PDE7A: variants seen among roughly 807,000 people sequenced by gnomAD.
PDE7A encodes the protein high affinity 3',5'-cyclic-AMP phosphodiesterase 7A.
Under a neutral mutation model 64.3 loss-of-function variants are expected in PDE7A, and 39 were observed. The ratio of observed to expected loss-of-function variants is 0.61; its 90% CI spans 0.47 to 0.79. The LOEUF (loss-of-function observed/expected upper bound fraction) is 0.79, where lower values mean the gene tolerates loss of function less well. Ranked by LOEUF, PDE7A falls within the 30% of genes least tolerant of loss-of-function variation. The pLI, the probability that PDE7A is intolerant of heterozygous loss-of-function variation, is 0.00. For missense variants in PDE7A, 470 were observed against 582.8 expected (o/e 0.81, Z 1.99); for synonymous variants, 203 against 206.8 (o/e 0.98, Z 0.16).
intron 4 of PDE7A, among the ~76,000 whole-genome samples, chr8:65,747,344 T>C (rs1807719463): frequency 6.6e-6 from 1 of 152,228 alleles, no homozygotes; most frequent in Non-Finnish European, 1.5e-5. Context: ...AGGTAATCTC[T>C]AAGTCTTCCC....
At chr8:65,767,590 G>A (rs1304162930) in intron 3 of PDE7A, among the ~76,000 whole-genome samples, 1 of 152,116 alleles carries the variant, frequency 6.6e-6, no homozygotes, top group Non-Finnish European at 1.5e-5. Context: ...ACTCTCCCCA[G>A]AGAGGGTCTT....
chr8:65,759,006 G>A (rs887983036), intron 3 of PDE7A, among the ~76,000 whole-genome samples: 5 of 152,098 alleles, frequency 3.3e-5, no homozygotes, highest in Admixed American at 2.6e-4. Flanking sequence ...CTGAGAGGGG[G>A]CAAAAGGAAC....
intron 3 of PDE7A, among the ~76,000 whole-genome samples, chr8:65,767,882 CAA>C (rs558012492): frequency 2.0e-5 from 3 of 152,114 alleles, no homozygotes; most frequent in Non-Finnish European, 4.4e-5. Context: ...TAATCCAACC[CAA>C]AAAGAGGGTC....
intron 5 of PDE7A, among the ~76,000 whole-genome samples, chr8:65,743,466 A>G (rs1807531250): frequency 6.6e-6 from 1 of 152,228 alleles, no homozygotes; most frequent in Non-Finnish European, 1.5e-5. Flanking sequence ...GGGAGGCAGG[A>G]GGGTGGCTCT....
At chr8:65,802,725 G>C (rs75514193) in intron 1 of PDE7A, among the ~76,000 whole-genome samples, 8,694 of 152,230 alleles carry the variant, frequency 0.057, 358 homozygotes, top group Middle Eastern at 0.11. Flanking sequence ...TTGCAAACCT[G>C]AAAAATCATC....
chr8:65,821,194 T>C (rs1810533679), intron 1 of PDE7A, among the ~76,000 whole-genome samples: 1 of 151,324 alleles, frequency 6.6e-6, no homozygotes, highest in Non-Finnish European at 1.5e-5. Flanking sequence ...AAAAAAACCC[T>C]TTTTTCATAT....
At chr8:65,766,983 A>C (rs1444507325) in intron 3 of PDE7A, among the ~76,000 whole-genome samples, 2 of 145,102 alleles carry the variant, frequency 1.4e-5, no homozygotes, top group Admixed American at 6.9e-5. Context: ...ATTTGTCAGA[A>C]ATAAGTCTGC....
chr8:65,761,121 G>A (rs144252392), intron 3 of PDE7A, among the ~76,000 whole-genome samples: 8,023 of 151,198 alleles, frequency 0.053, 306 homozygotes, highest in Middle Eastern at 0.096. Flanking sequence ...GTGCAGTGGC[G>A]CAATCTCAGC....
intron 1 of PDE7A, among the ~76,000 whole-genome samples, chr8:65,805,704 T>C (rs117088435): frequency 0.063 from 9,567 of 152,252 alleles, 375 homozygotes; most frequent in Middle Eastern, 0.11. Context: ...AATGGTACTG[T>C]GGATTCACCC....
chr8:65,826,429 C>T (rs1005753306), intron 1 of PDE7A, among the ~76,000 whole-genome samples: 9 of 152,180 alleles, frequency 5.9e-5, no homozygotes, highest in African/African-American at 2.2e-4. Flanking sequence ...TGAAACCAAA[C>T]ACAAAGATCT....
chr8:65,744,573 T>C (rs1416504134), intron 5 of PDE7A, among the ~76,000 whole-genome samples: 3 of 152,168 alleles, frequency 2.0e-5, no homozygotes, highest in African/African-American at 7.2e-5. Flanking sequence ...CCATACTCTG[T>C]AGATTCTGAT....
At chr8:65,833,875 C>T (rs751933006) in intron 1 of PDE7A, among the ~76,000 whole-genome samples, 6 of 151,918 alleles carry the variant, frequency 3.9e-5, no homozygotes, top group Non-Finnish European at 5.9e-5. Context: ...CATTTAAGGC[C>T]GGGATGCAGA....
intron 3 of PDE7A, among the ~76,000 whole-genome samples, chr8:65,757,323 AG>A (rs1276582503): frequency 6.6e-6 from 1 of 152,268 alleles, no homozygotes; most frequent in Admixed American, 6.5e-5. Flanking sequence ...GTTACAAGCC[AG>A]GAATTGTGGG....
In PDE7A at chr8:65,831,901, T is replaced by C. The variant is rs1242249998; in HGVS notation, c.138+9470A>G. ...ATTCATGTTAATACAAGAATATCAA[T>C]AAAGTTACATACAATTATAAAGAAG... On this transcript the variant is annotated intron_variant, in intron 1 of 12. Transcript: ENST00000401827. Among the ~76,000 whole-genome samples, 3 of 152,184 alleles carry C rather than the reference T, an allele frequency of 2.0e-5. No homozygotes were observed. In the East Asian group the frequency reaches 5.8e-4, roughly 29 times the overall value.
At chr8:65,774,841 A>G (rs1037620863) in intron 3 of PDE7A, among the ~76,000 whole-genome samples, 1 of 152,184 alleles carries the variant, frequency 6.6e-6, no homozygotes, top group African/African-American at 2.4e-5. Context: ...ATATCTGCTA[A>G]TACACTGAAT....
intron 1 of PDE7A, among the ~76,000 whole-genome samples, chr8:65,837,924 A>T (rs962041723): frequency 4.6e-5 from 7 of 152,114 alleles, no homozygotes; most frequent in Non-Finnish European, 1.5e-5. Context: ...GGATTTTCAG[A>T]CTAGGGCTGC....
chr8:65,788,547 A>C (rs1809620297), intron 1 of PDE7A, among the ~76,000 whole-genome samples: 1 of 152,232 alleles, frequency 6.6e-6, no homozygotes, highest in Non-Finnish European at 1.5e-5. Context: ...GAGAATGTTT[A>C]AAATATATAC....
Position 65,734,843 on chromosome 8 carries a change from T to C in PDE7A, c.647A>G (p.His216Arg). 1 of 1,612,814 alleles carries C rather than the reference T, an allele frequency of 6.2e-7. No homozygotes were observed. The highest frequency in any genetic ancestry group is 8.5e-7 in the Non-Finnish European group (1 of 1,178,774). Residue 216 changes from histidine (H) to arginine (R), a missense_variant, in exon 7 of 13, where the codon CAC becomes CGC. Coordinates refer to ENST00000401827, the MANE Select transcript of PDE7A (RefSeq NM_001242318.3). ...CATGGCCTGAGTAACATCCGCAGCG[T>C]GGACTGCGTTATGGTAAGGATTTTG... ...HSQNPYHNAVHAADVTQAMHC... is the reference protein window; with the variant it reads ...HSQNPYHNAVRAADVTQAMHC...
At chr8:65,787,656 G>A (rs1181418246) in intron 1 of PDE7A, among the ~76,000 whole-genome samples, 2 of 152,000 alleles carry the variant, frequency 1.3e-5, no homozygotes, top group East Asian at 3.9e-4. Context: ...AATTAAAAGA[G>A]TAAAGTCTAG....
Sources: gnomAD v4.1 joint callset for allele counts (sites outside exome capture counted in the v4.1 genomes callset) on GRCh38, gnomAD v4.1.1 for gene constraint, MANE v1.5 for transcripts, NCBI Gene and HGNC (gene_info 2026-07-23, HGNC 2026-07-21) for gene names.